ROBO2: variants seen among roughly 807,000 people sequenced by gnomAD.
ROBO2 encodes roundabout guidance receptor 2.
In ROBO2, 53 loss-of-function variants were observed where a neutral mutation model predicts 160.8. The observed-to-expected ratio is 0.33, with a 90% CI of 0.26 to 0.41. The LOEUF (loss-of-function observed/expected upper bound fraction) is 0.41, where lower values mean the gene tolerates loss of function less well. Ranked by LOEUF, ROBO2 falls within the 10% of genes least tolerant of loss-of-function variation. ROBO2 has a pLI of 1.00. For missense variants in ROBO2, 1,577 were observed against 1,722.4 expected, an observed-to-expected ratio of 0.92 and a Z score of 1.49; for synonymous variants, 664 against 611.7, an observed-to-expected ratio of 1.09 and a Z score of -1.26.
chr3:76,194,777 G>A (rs1486778941), intron 2 of ROBO2, among the ~76,000 whole-genome samples: 1 of 151,948 alleles, frequency 6.6e-6, no homozygotes, highest in Non-Finnish European at 1.5e-5. Flanking sequence ...CCGCCACCAC[G>A]CCCAGCTAAC....
intron 2 of ROBO2, among the ~76,000 whole-genome samples, chr3:77,101,260 T>C (rs2071883181): frequency 6.6e-6 from 1 of 152,178 alleles, no homozygotes; most frequent in Admixed American, 6.5e-5. Context: ...CTATGTGACA[T>C]GATCAATGAG....
intron 2 of ROBO2, among the ~76,000 whole-genome samples, chr3:77,267,447 C>T (rs755570440): frequency 1.3e-5 from 2 of 152,072 alleles, no homozygotes; most frequent in African/African-American, 2.4e-5. Context: ...TACAGGTATT[C>T]GCACCTGCCT....
At chr3:76,232,754 T>C (rs1243033335) in intron 2 of ROBO2, among the ~76,000 whole-genome samples, 1 of 152,226 alleles carries the variant, frequency 6.6e-6, no homozygotes, top group Non-Finnish European at 1.5e-5. Context: ...TTTCCACTAC[T>C]TCCTGTAAAT....
chr3:75,965,445 T>C (rs1322507258), intron 2 of ROBO2, among the ~76,000 whole-genome samples: 1 of 15,396 alleles, frequency 6.5e-5, no homozygotes, highest in African/African-American at 1.1e-4. Context: ...ATATGAGCTG[T>C]TCAGATATGT....
At chr3:77,286,011 C>T (rs963760599) in intron 2 of ROBO2, among the ~76,000 whole-genome samples, 4 of 152,034 alleles carry the variant, frequency 2.6e-5, no homozygotes, top group African/African-American at 9.7e-5. Context: ...TTTAGGAAAC[C>T]CATTCCCTTC....
At chr3:76,129,175 T>G (rs980471865) in intron 2 of ROBO2, among the ~76,000 whole-genome samples, 7 of 152,136 alleles carry the variant, frequency 4.6e-5, no homozygotes, top group African/African-American at 1.7e-4. Context: ...GGTCACACTT[T>G]GATCTATCGA....
At chr3:76,639,142 A>G (rs973973893) in intron 2 of ROBO2, among the ~76,000 whole-genome samples, 3 of 152,148 alleles carry the variant, frequency 2.0e-5, no homozygotes, top group Non-Finnish European at 4.4e-5. Context: ...ATATATATGT[A>G]TCTATACATA....
At chr3:76,968,977 G>A (rs1383714499) in intron 2 of ROBO2, among the ~76,000 whole-genome samples, 1 of 152,164 alleles carries the variant, frequency 6.6e-6, no homozygotes, top group African/African-American at 2.4e-5. Flanking sequence ...TACCCAGCAT[G>A]AATAGCTTTT....
chr3:77,156,471 C>A (rs1421414891), intron 2 of ROBO2, among the ~76,000 whole-genome samples: 5 of 151,890 alleles, frequency 3.3e-5, no homozygotes, highest in African/African-American at 4.8e-5. Flanking sequence ...CACTGGAAAA[C>A]CATTATGAGT....
intron 5 of ROBO2, among the ~76,000 whole-genome samples, chr3:77,495,858 C>T (rs1014036929): frequency 6.6e-6 from 1 of 152,100 alleles, no homozygotes; most frequent in Non-Finnish European, 1.5e-5. Flanking sequence ...TTTAACATGT[C>T]TATGTTCCTG....
intron 2 of ROBO2, among the ~76,000 whole-genome samples, chr3:76,271,829 G>A (rs1707449654): frequency 6.6e-6 from 1 of 151,652 alleles, no homozygotes; most frequent in Non-Finnish European, 1.5e-5. Context: ...TGTATTTCAT[G>A]ATAAAATCAG....
chr3:77,577,602 C>T (rs2093802449), exon 15 of ROBO2: 3 of 1,613,116 alleles, frequency 1.9e-6, no homozygotes, highest in African/African-American at 2.7e-5. Flanking sequence ...ATGGAATTAT[C>T]CAAGAATACA....
chr3:76,429,243 C>T (rs1171303330), intron 2 of ROBO2, among the ~76,000 whole-genome samples: 1 of 151,884 alleles, frequency 6.6e-6, no homozygotes, highest in Non-Finnish European at 1.5e-5. Flanking sequence ...ATTGTATATG[C>T]TATGTCCAAG....
chr3:76,749,966 A>C (rs1030276391), intron 2 of ROBO2, among the ~76,000 whole-genome samples: 10 of 152,140 alleles, frequency 6.6e-5, no homozygotes, highest in African/African-American at 2.4e-4. Flanking sequence ...CATCATCCTG[A>C]TACCAAAGCC....
chr3:77,035,951 G>T (rs367691098), upstream of ROBO2, among the ~76,000 whole-genome samples: 4 of 151,934 alleles, frequency 2.6e-5, no homozygotes, highest in East Asian at 5.8e-4. Context: ...GCTTTAAAGA[G>T]GTTCTTAAAT....
chr3:77,186,538 T>G (rs2081302812), intron 2 of ROBO2, among the ~76,000 whole-genome samples: 1 of 151,766 alleles, frequency 6.6e-6, no homozygotes, highest in South Asian at 2.1e-4. Flanking sequence ...TTTAGTCAAA[T>G]GCAAAAGAGA....
intron 2 of ROBO2, among the ~76,000 whole-genome samples, chr3:76,503,492 G>A (rs1167293150): frequency 2.6e-5 from 4 of 152,160 alleles, no homozygotes; most frequent in Non-Finnish European, 5.9e-5. Flanking sequence ...CTGAAAAGAT[G>A]TTTGAACTCC....
At chr3:76,580,069 A>C (rs1366181525) in intron 2 of ROBO2, among the ~76,000 whole-genome samples, 4 of 152,072 alleles carry the variant, frequency 2.6e-5, no homozygotes, top group Non-Finnish European at 5.9e-5. Flanking sequence ...TGGTGGCTTG[A>C]GTATCCACTC....
At chr3:77,209,398 T>C (rs1008412477) in intron 2 of ROBO2, among the ~76,000 whole-genome samples, 2 of 152,138 alleles carry the variant, frequency 1.3e-5, no homozygotes, top group African/African-American at 4.8e-5. Flanking sequence ...TATTTTACTT[T>C]TGCAATGCCA....
Sources: allele counts gnomAD v4.1 joint callset (sites outside exome capture counted in the v4.1 genomes callset), GRCh38; gene constraint gnomAD v4.1.1; transcripts MANE v1.5; gene names NCBI Gene and HGNC (gene_info 2026-07-23, HGNC 2026-07-21).